Variants in ALAS2 observed in about 807,000 individuals in gnomAD.
The protein encoded by ALAS2 is 5'-aminolevulinate synthase 2, also known as 5-aminolevulinate synthase, erythroid-specific, mitochondrial.
Under a neutral mutation model 33.7 loss-of-function variants are expected in ALAS2, and 3 were observed. The ratio of observed to expected loss-of-function variants is 0.09; its 90% CI spans 0.04 to 0.23. The LOEUF (loss-of-function observed/expected upper bound fraction) is 0.23, where lower values mean the gene tolerates loss of function less well. Among genes scored for constraint, ALAS2 ranks in the 10% least tolerant of loss-of-function variants. The pLI, the probability that ALAS2 is intolerant of heterozygous loss-of-function variation, is 1.00. For synonymous variants in ALAS2, 191 were observed against 177.3 expected (o/e 1.08, Z -0.61); for missense variants, 304 against 475.1 (o/e 0.64, Z 3.35).
chrX:55,012,003 G>A (rs1935608937), intron 10 of ALAS2, among the ~76,000 whole-genome samples: 1 of 111,832 alleles, frequency 8.9e-6, no homozygotes, highest in Non-Finnish European at 1.9e-5. Context: ...GTTGTTGTGG[G>A]GATTAGATGA....
At chrX:55,014,534 T>G (rs1394709444) in intron 9 of ALAS2, among the ~76,000 whole-genome samples, 5 of 112,585 alleles carry the variant, frequency 4.4e-5, no homozygotes. Context: ...TAGGATAATC[T>G]AATAAGCATG....
chrX:55,027,242 A>T (rs1159055683), intron 1 of ALAS2, among the ~76,000 whole-genome samples: 1 of 110,819 alleles, frequency 9.0e-6, no homozygotes, highest in Non-Finnish European at 1.9e-5. Context: ...GTAGAGAGTC[A>T]GTCAGACACA....
intron 9 of ALAS2, 73 bp from the exon 10 acceptor site, chrX:55,013,721 G>A (rs946986030): frequency 2.6e-5 from 29 of 1,127,399 alleles, no homozygotes; most frequent in Non-Finnish European, 2.8e-5. Flanking sequence ...TAAGCAGATG[G>A]AGGGAACTAG....
At position 55,010,137 on chromosome X, in the gene ALAS2, T is replaced by A. The variant is rs111744021; in HGVS notation, c.1601-794A>T. Reference sequence around the variant, plus strand: ...GCTATCCTTTATTTTTCTCTTTCTCTCTTACCCTATATCCCATCTATCAGC... The same window carrying A: ...GCTATCCTTTATTTTTCTCTTTCTCACTTACCCTATATCCCATCTATCAGC... On this transcript the variant is annotated intron_variant, in intron 10 of 10. Transcript: ENST00000650242. 9.4e-3 allele frequency among the ~76,000 whole-genome samples: 1,047 copies of A among 111,565 alleles called. 4 individuals are homozygous for A. The highest frequency in any genetic ancestry group is 0.032 in the African/African-American group (983 of 30,684).
At chrX:55,027,688 A>G (rs972920155) in intron 1 of ALAS2, 14 of 1,130,389 alleles carry the variant, frequency 1.2e-5, no homozygotes, top group Non-Finnish European at 1.7e-5. Flanking sequence ...CCCTGCCCTC[A>G]TATGGCAACC....
intron 1 of ALAS2, among the ~76,000 whole-genome samples, chrX:55,030,583 G>T (rs947031326): frequency 9.9e-5 from 11 of 110,913 alleles, no homozygotes; most frequent in African/African-American, 3.6e-4. Flanking sequence ...GAGACGGAGA[G>T]ATACAAAGCC....
chrX:55,012,814 A>G (rs1935624973), intron 10 of ALAS2, among the ~76,000 whole-genome samples: 1 of 111,727 alleles, frequency 9.0e-6, no homozygotes, highest in African/African-American at 3.3e-5. Flanking sequence ...AACAAAAACA[A>G]ACAAACAAAA....
At chrX:55,025,507 T>A (rs751342383) in intron 2 of ALAS2, among the ~76,000 whole-genome samples, 1 of 110,479 alleles carries the variant, frequency 9.1e-6, no homozygotes, top group South Asian at 3.9e-4. Context: ...CTAATTTTTT[T>A]ATTTTTAGTA....
chrX:55,009,321 A>C lies in ALAS2; in HGVS notation c.1623T>G (p.Thr541=), dbSNP rs752651302. The change falls in exon 11 of 11, where the codon ACT becomes ACG. Residue 541 remains threonine (T), a synonymous_variant. Coordinates refer to ENST00000650242, the MANE Select transcript of ALAS2 (RefSeq NM_000032.5). ...CATCCTGGAGGGGCAGCCCCACCGC[A>C]GTCCAAGCCAGCAGCAGCTTCTCTG... The part of the protein sequence containing the change: ...DFVEKLLLAW[T]AVGLPLQDVS... The C allele has an allele frequency of 8.3e-6, 10 of 1,200,802 alleles. No individual in the cohort carries two copies. Among genetic ancestry groups the C allele is most frequent in the Non-Finnish European group, 1.1e-5 (10 of 890,824 alleles).
rs1163313130 is a variant in ALAS2 at position 55,017,569 on chromosome X, G to A, written c.920C>T (p.Pro307Leu). ...CTCTAGAAGTTTCTTTAGGTGGTCA[G>A]GGTCATTGTGCCTGAAGACAAACTT... ...AAKFVFRHND[P>L]DHLKKLLEKS... The change falls in exon 7 of 11, where the codon CCT (proline) becomes CTT (leucine). Residue 307 changes from proline (P) to leucine (L), a missense_variant. This residue lies in a region of ALAS2 where 138 missense variants were observed against 265.3 expected (regional missense o/e 0.52). Transcript: ENST00000650242. 4 of 1,211,091 alleles carry A rather than the reference G, an allele frequency of 3.3e-6. No individual in the cohort carries two copies. The highest frequency in any genetic ancestry group is 3.4e-6 in the Non-Finnish European group (3 of 894,985).
intron 1 of ALAS2, chrX:55,027,794 T>G (rs1220577332): frequency 8.3e-7 from 1 of 1,210,791 alleles, no homozygotes; most frequent in Non-Finnish European, 1.1e-6. Context: ...CAGAGCAACC[T>G]CTCCCCCTCT....
intron 6 of ALAS2, among the ~76,000 whole-genome samples, chrX:55,017,867 C>G (rs1212480910): frequency 8.9e-6 from 1 of 112,135 alleles, no homozygotes; most frequent in East Asian, 2.8e-4. Context: ...CCCCTACATC[C>G]TTCCCTCCAG....
In ALAS2 at chrX:55,015,654, C is replaced by T. The variant is rs150494562; in HGVS notation, c.1092G>A (p.Leu364=). 864 of 1,209,091 alleles carry T rather than the reference C, an allele frequency of 7.1e-4. 8 individuals are homozygous for T. In the African/African-American group the frequency reaches 0.012, roughly 16 times the overall value. Reference sequence around the variant, plus strand: ...CAATCCCAGCGCCCCGGGACCCATACAGTCCTACAGCATGGACCTCATCCA... The same window carrying T: ...CAATCCCAGCGCCCCGGGACCCATATAGTCCTACAGCATGGACCTCATCCA... The part of the protein sequence containing the change: ...TFVDEVHAVG[L]YGSRGAGIGE... The change falls in exon 8 of 11, where the codon CTG becomes CTA. Residue 364 remains leucine, a synonymous_variant. Transcript: ENST00000650242.
At chrX:55,016,200 G>A (rs1011776279) in intron 7 of ALAS2, among the ~76,000 whole-genome samples, 2 of 110,352 alleles carry the variant, frequency 1.8e-5, no homozygotes, top group Non-Finnish European at 3.8e-5. Context: ...CCCAAAAATA[G>A]GTAAATAACT....
chrX:55,010,772 T>C (rs1935589227), intron 10 of ALAS2, among the ~76,000 whole-genome samples: 2 of 111,821 alleles, frequency 1.8e-5, no homozygotes, highest in Admixed American at 1.9e-4. Flanking sequence ...TTAGAACTAA[T>C]GTGCTACTTA....
rs1935779717 is a variant in ALAS2, at chrX:55,020,309, C to T, written c.823+11G>A. The T allele has an allele frequency of 7.5e-6, 9 of 1,206,059 alleles. No individual in the cohort carries two copies. The highest frequency in any genetic ancestry group is 9.0e-6 in the Non-Finnish European group (8 of 892,678). The stretch of plus-strand genomic sequence containing the variant: ...TACCAGCCCTGAACAAAGCTCAGGC[C>T]TCAGGCTTACCTGGCAGGATCTTGG... On this transcript the variant is annotated intron_variant, in intron 6 of 10. Transcript: ENST00000650242.
chrX:55,013,164 T>C (rs1845984655), intron 10 of ALAS2, among the ~76,000 whole-genome samples: 1 of 111,657 alleles, frequency 9.0e-6, no homozygotes, highest in South Asian at 3.8e-4. Context: ...TCACCTCTAC[T>C]AGGAAGTGGG....
Position 55,020,468 on chromosome X carries a change from G to A in ALAS2, c.675C>T (p.Gly225=), listed in dbSNP as rs750452355. ...TLQRHGAGAG[G]TRNISGTSKF... ...TACTGGTGCCTGAGATGTTGCGGGT[G>A]CCACCAGCTCCAGCACCATGACGCT... Residue 225 remains glycine, a synonymous_variant, in exon 6 of 11, where the codon GGC becomes GGT. Coordinates refer to ENST00000650242, the MANE Select transcript of ALAS2 (RefSeq NM_000032.5). 16 of 1,181,571 alleles carry A rather than the reference G, an allele frequency of 1.4e-5. No homozygotes were observed. In the African/African-American group the frequency reaches 1.8e-4, roughly 13 times the overall value.
intron 9 of ALAS2, among the ~76,000 whole-genome samples, chrX:55,013,918 G>A (rs973330112): frequency 9.0e-6 from 1 of 111,123 alleles, no homozygotes; most frequent in Non-Finnish European, 1.9e-5. Context: ...ATTTTACTTA[G>A]CTAATATCTT....
Sources: allele counts gnomAD v4.1 joint callset (sites outside exome capture counted in the v4.1 genomes callset), GRCh38; gene constraint gnomAD v4.1.1; regional missense constraint gnomAD v4.1.1; transcripts MANE v1.5; gene names NCBI Gene and HGNC (gene_info 2026-07-23, HGNC 2026-07-21).